Variants in PALLD observed in about 807,000 individuals in gnomAD.
PALLD encodes the protein palladin, cytoskeletal associated protein.
A neutral mutation model predicts 123.5 loss-of-function variants in PALLD; 61 were observed. The observed-to-expected ratio is 0.49, with a 90% CI of 0.40 to 0.61. The LOEUF (loss-of-function observed/expected upper bound fraction) is 0.61, where lower values mean the gene tolerates loss of function less well. Among genes scored for constraint, PALLD ranks in the 20% least tolerant of loss-of-function variants. The pLI is 0.00. For synonymous variants in PALLD, 465 were observed against 496.4 expected (o/e 0.94, Z 0.84); for missense variants, 1,273 against 1,377.0 (o/e 0.92, Z 1.20).
chr4:168,572,293 A>G (rs532583041), intron 2 of PALLD, among the ~76,000 whole-genome samples: 1 of 152,204 alleles, frequency 6.6e-6, no homozygotes, highest in South Asian at 2.1e-4. Flanking sequence ...TACCACATCC[A>G]TGATCTGATT....
chr4:168,517,342 T>C (rs781237689), intron 2 of PALLD, among the ~76,000 whole-genome samples: 3 of 152,206 alleles, frequency 2.0e-5, no homozygotes, highest in Non-Finnish European at 2.9e-5. Context: ...TGTGCTTTAA[T>C]AGTCTAAATA....
At chr4:168,782,791 T>C (rs1313214900) in intron 10 of PALLD, among the ~76,000 whole-genome samples, 1 of 152,022 alleles carries the variant, frequency 6.6e-6, no homozygotes, top group Non-Finnish European at 1.5e-5. Flanking sequence ...GATGTATGCC[T>C]GTAATCCTAG....
chr4:168,739,635 C>T lies in PALLD; in HGVS notation c.1964+27712C>T, dbSNP rs7699286. Among the ~76,000 whole-genome samples the T allele has an allele frequency of 5.5e-3, 838 of 152,284 alleles. 7 individuals carry two copies. The highest frequency in any genetic ancestry group is 0.019 in the African/African-American group (780 of 41,548). On this transcript the variant is annotated intron_variant, in intron 10 of 21. Transcript: ENST00000505667. The stretch of plus-strand genomic sequence containing the variant: ...AATACTCTAAATACCCAGACTTGAT[C>T]CTTACACATTCTATGCATGTGACAA...
chr4:168,576,339 C>G (rs909845723), intron 2 of PALLD, among the ~76,000 whole-genome samples: 1 of 151,908 alleles, frequency 6.6e-6, no homozygotes, highest in African/African-American at 2.4e-5. Flanking sequence ...CACCCAGTAA[C>G]TCGTCATTTA....
intron 2 of PALLD, among the ~76,000 whole-genome samples, chr4:168,637,789 C>T (rs894931576): frequency 1.3e-5 from 2 of 152,018 alleles, no homozygotes; most frequent in Admixed American, 6.5e-5. Context: ...ACTAAAAATA[C>T]AAAAATTAGT....
At chr4:168,836,463 A>G (rs572440068) in intron 10 of PALLD, among the ~76,000 whole-genome samples, 1 of 152,328 alleles carries the variant, frequency 6.6e-6, no homozygotes, top group South Asian at 2.1e-4. Flanking sequence ...ATAGATTCAT[A>G]AGAAAATGCA....
At chr4:168,701,566 G>A (rs950239426) in intron 8 of PALLD, among the ~76,000 whole-genome samples, 2 of 152,170 alleles carry the variant, frequency 1.3e-5, no homozygotes, top group African/African-American at 2.4e-5. Context: ...CAAGATCATC[G>A]ATCTAAAACC....
chr4:168,633,951 A>AAAT (rs1004543192), intron 2 of PALLD, among the ~76,000 whole-genome samples: 1 of 152,332 alleles, frequency 6.6e-6, no homozygotes, highest in Non-Finnish European at 1.5e-5. Flanking sequence ...TTTCTTAAAA[A>AAAT]AATAATAATA....
intron 1 of PALLD, among the ~76,000 whole-genome samples, chr4:168,499,843 C>T (rs1485034082): frequency 6.6e-6 from 1 of 152,174 alleles, no homozygotes. Context: ...TCCTTACTGC[C>T]TGTCAATGTT....
intron 10 of PALLD, among the ~76,000 whole-genome samples, chr4:168,751,007 T>C (rs2150385071): frequency 6.6e-6 from 1 of 150,574 alleles, no homozygotes; most frequent in Admixed American, 6.6e-5. Context: ...TGTGTGTGTC[T>C]GCGTGTGTAT....
At chr4:168,499,900 C>T (rs994729120) in intron 1 of PALLD, among the ~76,000 whole-genome samples, 2 of 72,660 alleles carry the variant, frequency 2.8e-5, no homozygotes, top group South Asian at 3.2e-4. Context: ...AGTTCTTCAT[C>T]GACTCAAAGT....
chr4:168,792,600 C>T (rs987843741), intron 10 of PALLD, among the ~76,000 whole-genome samples: 11 of 151,800 alleles, frequency 7.2e-5, no homozygotes, highest in African/African-American at 2.7e-4. Context: ...CAAAAGTAAC[C>T]CAAACAGAAG....
chr4:168,594,172 A>G (rs959423364), intron 2 of PALLD, among the ~76,000 whole-genome samples: 1 of 152,226 alleles, frequency 6.6e-6, no homozygotes, highest in African/African-American at 2.4e-5. Context: ...AAAGAGGAAA[A>G]AAATCAAAAT....
At chr4:168,788,363 A>G (rs1440630261) in intron 10 of PALLD, among the ~76,000 whole-genome samples, 1 of 152,220 alleles carries the variant, frequency 6.6e-6, no homozygotes. Flanking sequence ...TTTAATGTGA[A>G]GCCAATCTGG....
intron 3 of PALLD, among the ~76,000 whole-genome samples, chr4:168,679,612 A>G (rs935294557): frequency 2.7e-5 from 4 of 147,412 alleles, no homozygotes; most frequent in Non-Finnish European, 4.5e-5. Context: ...AGTGCACACC[A>G]TTAGATGTGC....
chr4:168,581,113 C>A (rs570081106), intron 2 of PALLD, among the ~76,000 whole-genome samples: 14 of 151,906 alleles, frequency 9.2e-5, no homozygotes, highest in South Asian at 2.1e-4. Flanking sequence ...GAACATGTAC[C>A]CCTGCACCTA....
chr4:168,872,309 C>A (rs1217564292), intron 10 of PALLD, among the ~76,000 whole-genome samples: 17 of 152,210 alleles, frequency 1.1e-4, no homozygotes, highest in Admixed American at 1.1e-3. Flanking sequence ...CTAAAAGAGA[C>A]TCAAGTCATG....
intron 3 of PALLD, among the ~76,000 whole-genome samples, chr4:168,675,056 T>C (rs144999947): frequency 4.6e-5 from 7 of 152,334 alleles, no homozygotes; most frequent in East Asian, 1.9e-4. Flanking sequence ...GAAAGATCCA[T>C]GTAAACATGT....
intron 17 of PALLD, 97 bp downstream of exon 17, chr4:168,916,124 A>C (rs1378065211): frequency 8.2e-7 from 1 of 1,225,184 alleles, no homozygotes; most frequent in East Asian, 2.3e-5. Flanking sequence ...ATAAAGTATA[A>C]AATGAGAGCT....
Sources: gnomAD v4.1 joint callset for allele counts (sites outside exome capture counted in the v4.1 genomes callset) on GRCh38, gnomAD v4.1.1 for gene constraint, MANE v1.5 for transcripts, NCBI Gene and HGNC (gene_info 2026-07-23, HGNC 2026-07-21) for gene names.